The following RARB variants were observed in gnomAD, a reference collection of about 807,000 sequenced individuals.
RARB encodes HBV-activated protein.
In RARB, 17 loss-of-function variants were observed where a neutral mutation model predicts 51.9. That is an observed-to-expected ratio of 0.33 (90% confidence interval 0.22 to 0.49). The LOEUF is 0.49. Ranked by LOEUF, RARB falls within the 20% of genes least tolerant of loss-of-function variation. RARB has a pLI of 0.99. For missense variants in RARB, 369 were observed against 550.8 expected (o/e 0.67, Z 3.30); for synonymous variants, 215 against 195.4 (o/e 1.10, Z -0.84).
intron 2 of RARB, among the ~76,000 whole-genome samples, chr3:24,981,527 A>G (rs1696672856): frequency 6.6e-6 from 1 of 152,098 alleles, no homozygotes; most frequent in Admixed American, 6.5e-5. Flanking sequence ...TCAGTGTCCC[A>G]GGTCGATCCC....
chr3:25,182,159 G>A (rs1185612782), intron 5 of RARB, among the ~76,000 whole-genome samples: 2 of 152,176 alleles, frequency 1.3e-5, no homozygotes, highest in African/African-American at 4.8e-5. Flanking sequence ...AGAAGCATTG[G>A]TTCCAAAGGG....
chr3:25,311,777 A>C (rs1343567022), intron 5 of RARB, among the ~76,000 whole-genome samples: 1 of 152,224 alleles, frequency 6.6e-6, no homozygotes, highest in Non-Finnish European at 1.5e-5. Context: ...GGCTTTCCCC[A>C]GGGCACATAT....
At chr3:24,849,007 GC>G (rs1702520282) in intron 1 of RARB, among the ~76,000 whole-genome samples, 2 of 152,128 alleles carry the variant, frequency 1.3e-5, no homozygotes, top group African/African-American at 4.8e-5. Context: ...TCCTTAACCA[GC>G]TGTTCTGGCT....
At chr3:25,297,945 G>A (rs1703955764) in intron 5 of RARB, among the ~76,000 whole-genome samples, 1 of 152,114 alleles carries the variant, frequency 6.6e-6, no homozygotes, top group Non-Finnish European at 1.5e-5. Context: ...GTATACATAT[G>A]AGAAACATTA....
chr3:24,851,983 A>G (rs1702565843), intron 1 of RARB, among the ~76,000 whole-genome samples: 1 of 152,232 alleles, frequency 6.6e-6, no homozygotes, highest in South Asian at 2.1e-4. Flanking sequence ...TGTATTTCAA[A>G]TATGTCTTGA....
At chr3:25,071,895 A>G (rs980280375) in intron 3 of RARB, among the ~76,000 whole-genome samples, 2 of 152,200 alleles carry the variant, frequency 1.3e-5, no homozygotes, top group Non-Finnish European at 2.9e-5. Flanking sequence ...AAAGCTTCCC[A>G]AAGATGCTTG....
intron 5 of RARB, among the ~76,000 whole-genome samples, chr3:25,413,788 T>G (rs1707630200): frequency 6.6e-6 from 1 of 152,216 alleles, no homozygotes; most frequent in Non-Finnish European, 1.5e-5. Context: ...TTGTTGGCAT[T>G]GAGCTGCAAC....
intron 4 of RARB, among the ~76,000 whole-genome samples, chr3:25,156,551 A>T (rs952272729): frequency 1.5e-5 from 2 of 136,222 alleles, no homozygotes; most frequent in Admixed American, 1.5e-4. Flanking sequence ...AAAAAAAGGC[A>T]GTTAGACTTT....
At chr3:25,574,392 C>CA (rs1157748496) in intron 4 of RARB, among the ~76,000 whole-genome samples, 1 of 152,240 alleles carries the variant, frequency 6.6e-6, no homozygotes, top group Non-Finnish European at 1.5e-5. Context: ...GTTTCCGGCA[C>CA]AGAGGAGTCG....
At chr3:25,058,238 A>G (rs1234072986) in intron 2 of RARB, among the ~76,000 whole-genome samples, 1 of 151,936 alleles carries the variant, frequency 6.6e-6, no homozygotes, top group Non-Finnish European at 1.5e-5. Context: ...TCCCTCAGTC[A>G]TAAAGATTAA....
intron 4 of RARB, among the ~76,000 whole-genome samples, chr3:25,162,587 T>C (rs1700490531): frequency 6.6e-6 from 1 of 152,196 alleles, no homozygotes; most frequent in African/African-American, 2.4e-5. Context: ...CTCTATTCTT[T>C]CCTCCCTCTA....
chr3:25,290,447 AT>A (rs1301891163), intron 5 of RARB, among the ~76,000 whole-genome samples: 9 of 152,114 alleles, frequency 5.9e-5, no homozygotes, highest in Non-Finnish European at 1.3e-4. Context: ...GAGAAAATGG[AT>A]TTCTGTTGTT....
chr3:25,053,552 G>T (rs1338534398), intron 2 of RARB, among the ~76,000 whole-genome samples: 1 of 152,154 alleles, frequency 6.6e-6, no homozygotes, highest in East Asian at 1.9e-4. Flanking sequence ...GTTTAAAAAA[G>T]TCAGATGTCC....
chr3:25,476,479 C>G (rs188504214), intron 2 of RARB, among the ~76,000 whole-genome samples: 2 of 152,218 alleles, frequency 1.3e-5, no homozygotes, highest in African/African-American at 4.8e-5. Context: ...TCTGCAGACA[C>G]TTTTTACAAG....
At chr3:25,429,173 T>C (rs1708103383) in intron 1 of RARB, among the ~76,000 whole-genome samples, 1 of 151,508 alleles carries the variant, frequency 6.6e-6, no homozygotes, top group Non-Finnish European at 1.5e-5. Flanking sequence ...ATGTGGGGGG[T>C]GGGGAGTAGA....
chr3:25,397,232 C>G (rs1318922504), intron 5 of RARB, among the ~76,000 whole-genome samples: 1 of 152,186 alleles, frequency 6.6e-6, no homozygotes, highest in Non-Finnish European at 1.5e-5. Flanking sequence ...CCTGCTGCTT[C>G]TACCTTTATG....
intron 5 of RARB, among the ~76,000 whole-genome samples, chr3:25,417,471 C>T (rs543034583): frequency 6.6e-6 from 1 of 152,276 alleles, no homozygotes; most frequent in Admixed American, 6.5e-5. Flanking sequence ...GCAGATCTTT[C>T]CTGTGCTGTT....
At chr3:24,872,093 T>C (rs1702959299) in intron 2 of RARB, among the ~76,000 whole-genome samples, 1 of 152,188 alleles carries the variant, frequency 6.6e-6, no homozygotes, top group Non-Finnish European at 1.5e-5. Flanking sequence ...AGTCCTCGAA[T>C]GATTCCCCAT....
intron 3 of RARB, among the ~76,000 whole-genome samples, chr3:25,110,343 T>C (rs1387990254): frequency 1.3e-5 from 2 of 152,244 alleles, no homozygotes; most frequent in Non-Finnish European, 2.9e-5. Context: ...TTATCTCATT[T>C]AAGCCTTGAT....
Sources: gnomAD v4.1 joint callset for allele counts (sites outside exome capture counted in the v4.1 genomes callset) on GRCh38, gnomAD v4.1.1 for gene constraint, MANE v1.5 for transcripts, NCBI Gene and HGNC (gene_info 2026-07-23, HGNC 2026-07-21) for gene names.